The following AUTS2 variants were observed in gnomAD, a reference collection of about 807,000 sequenced individuals.
AUTS2 encodes the protein activator of transcription and developmental regulator AUTS2, also known as autism susceptibility gene 2 protein.
AUTS2 carries 17 observed loss-of-function variants against 112.4 expected under a neutral mutation model. The ratio of observed to expected loss-of-function variants is 0.15; its 90% confidence interval spans 0.10 to 0.23. The LOEUF (loss-of-function observed/expected upper bound fraction) is 0.23, where lower values mean the gene tolerates loss of function less well. Ranked by LOEUF, AUTS2 falls within the 10% of genes least tolerant of loss-of-function variation. The pLI is 1.00. For synonymous variants in AUTS2, 751 were observed against 702.7 expected (o/e 1.07, Z -1.09); for missense variants, 1,510 against 1,701.6 (o/e 0.89, Z 1.98).
chr7:69,893,203 G>T (rs1210723183), intron 1 of AUTS2, among the ~76,000 whole-genome samples: 1 of 152,176 alleles, frequency 6.6e-6, no homozygotes, highest in African/African-American at 2.4e-5. Context: ...ATGCCATCCT[G>T]GATGCCTTGT....
chr7:69,989,182 A>G (rs1257421648), intron 2 of AUTS2, among the ~76,000 whole-genome samples: 3 of 152,154 alleles, frequency 2.0e-5, no homozygotes, highest in African/African-American at 7.2e-5. Flanking sequence ...TAACTCTTGT[A>G]ATTCTTGGTA....
chr7:70,361,194 G>A (rs900794900), intron 4 of AUTS2, among the ~76,000 whole-genome samples: 2 of 152,212 alleles, frequency 1.3e-5, no homozygotes, highest in African/African-American at 2.4e-5. Context: ...TTAGCTGGGC[G>A]TGGTGGCGGA....
chr7:70,220,252 T>A (rs1196669742), intron 4 of AUTS2, among the ~76,000 whole-genome samples: 5 of 152,202 alleles, frequency 3.3e-5, no homozygotes, highest in African/African-American at 1.2e-4. Context: ...TTTTTTTCAA[T>A]CATTTAAAAA....
intron 5 of AUTS2, among the ~76,000 whole-genome samples, chr7:70,579,712 G>A (rs1802348127): frequency 6.6e-6 from 1 of 152,148 alleles, no homozygotes; most frequent in Non-Finnish European, 1.5e-5. Context: ...TTAATGTGAT[G>A]GAATTCATCT....
chr7:70,714,738 G>A (rs773669399), intron 6 of AUTS2, among the ~76,000 whole-genome samples: 2 of 152,136 alleles, frequency 1.3e-5, no homozygotes, highest in Non-Finnish European at 2.9e-5. Flanking sequence ...TCTGTCCCTC[G>A]TATTTCCTGT....
chr7:70,769,362 C>T (rs534829436), intron 10 of AUTS2, among the ~76,000 whole-genome samples: 12 of 152,240 alleles, frequency 7.9e-5, no homozygotes, highest in Non-Finnish European at 1.8e-4. Context: ...TTAGTCTATA[C>T]TCTGCTGATT....
intron 4 of AUTS2, among the ~76,000 whole-genome samples, chr7:70,376,165 A>G (rs1264125173): frequency 6.6e-6 from 1 of 152,220 alleles, no homozygotes; most frequent in Non-Finnish European, 1.5e-5. Flanking sequence ...CCAGTTATTT[A>G]TAGGATGATA....
intron 4 of AUTS2, among the ~76,000 whole-genome samples, chr7:70,303,434 G>GCGCGCGCGCACA (rs1241517255): frequency 1.3e-4 from 18 of 142,052 alleles, no homozygotes; most frequent in African/African-American, 4.7e-4. Flanking sequence ...GCGCGCGCGC[G>GCGCGCGCGCACA]CACATACACA....
chr7:69,635,846 C>A (rs1416072742), intron 1 of AUTS2, among the ~76,000 whole-genome samples: 2 of 152,234 alleles, frequency 1.3e-5, no homozygotes, highest in Non-Finnish European at 2.9e-5. Context: ...TGAGGATCAG[C>A]TTTAGGTAGC....
intron 1 of AUTS2, among the ~76,000 whole-genome samples, chr7:69,833,853 G>A (rs921163973): frequency 2.0e-5 from 3 of 152,086 alleles, no homozygotes; most frequent in Non-Finnish European, 2.9e-5. Flanking sequence ...ATGCTAAAAG[G>A]TTACTTCACA....
At chr7:69,896,559 T>C (rs1010103136) in intron 1 of AUTS2, among the ~76,000 whole-genome samples, 1 of 152,112 alleles carries the variant, frequency 6.6e-6, no homozygotes, top group Admixed American at 6.6e-5. Flanking sequence ...TTCCTGCTTC[T>C]ATCACCCTTT....
intron 6 of AUTS2, 76 bp downstream of exon 6, chr7:70,698,696 G>T: frequency 9.1e-7 from 1 of 1,104,746 alleles, no homozygotes; most frequent in South Asian, 1.6e-5. Context: ...GAAGAAAGAA[G>T]AGCTAGAGTG....
rs566341807 is a variant in AUTS2, at chr7:70,475,756, C to T, written c.690+39975C>T. Reference sequence around the variant, plus strand: ...GGCCACATGAAAAGTCTACTAATAGCGGCCAGGGACCATGGCTTCCTACAA... The same window carrying T: ...GGCCACATGAAAAGTCTACTAATAGTGGCCAGGGACCATGGCTTCCTACAA... On this transcript the variant is annotated intron_variant, in intron 5 of 18. Coordinates refer to ENST00000342771, the MANE Select transcript of AUTS2 (RefSeq NM_015570.4). Among the ~76,000 whole-genome samples, 5 of 152,246 alleles carry T rather than the reference C, an allele frequency of 3.3e-5. No individual in the cohort carries two copies. In the East Asian group the frequency reaches 5.8e-4, roughly 18 times the overall value.
rs1053118046 is a variant in AUTS2 at position 69,901,317 on chromosome 7, G to T, written c.522+1819G>T. ...CCCGCCCCAGCAGGGTAAGAAGGAA[G>T]CCTTCTTACTCTGAGTTAACACCAA... is the stretch of plus-strand genomic sequence containing the variant. On this transcript the variant is annotated intron_variant, in intron 2 of 18. Coordinates refer to ENST00000342771, the MANE Select transcript of AUTS2 (RefSeq NM_015570.4). 2.0e-5 allele frequency among the ~76,000 whole-genome samples: 3 copies of T among 151,846 alleles called. No homozygotes were observed. The East Asian group carries it at 5.8e-4, about 30-fold the overall frequency.
At chr7:70,310,812 T>A (rs1013646398) in intron 4 of AUTS2, among the ~76,000 whole-genome samples, 1 of 152,160 alleles carries the variant, frequency 6.6e-6, no homozygotes, top group African/African-American at 2.4e-5. Flanking sequence ...TGGCTCGGCC[T>A]GCAAAAGATA....
intron 5 of AUTS2, among the ~76,000 whole-genome samples, chr7:70,629,302 C>T (rs557259146): frequency 1.3e-5 from 2 of 152,168 alleles, no homozygotes; most frequent in South Asian, 4.2e-4. Context: ...GAAACCTCGT[C>T]TCTACTAAAA....
At chr7:70,059,852 G>A (rs1443789067) in intron 2 of AUTS2, among the ~76,000 whole-genome samples, 1 of 152,178 alleles carries the variant, frequency 6.6e-6, no homozygotes, top group African/African-American at 2.4e-5. Flanking sequence ...TATTTAAGCA[G>A]CTAGTCAAGC....
At chr7:69,796,077 G>A (rs552460735) in intron 1 of AUTS2, among the ~76,000 whole-genome samples, 1 of 152,326 alleles carries the variant, frequency 6.6e-6, no homozygotes, top group Admixed American at 6.5e-5. Context: ...GTGGGCTGAC[G>A]ATAGCCTCTA....
intron 2 of AUTS2, among the ~76,000 whole-genome samples, chr7:70,076,835 A>G (rs901898737): frequency 2.0e-5 from 3 of 152,246 alleles, no homozygotes; most frequent in Non-Finnish European, 2.9e-5. Context: ...TTGTGAAAAC[A>G]TAGTTGAATA....
Sources: allele counts gnomAD v4.1 joint callset (sites outside exome capture counted in the v4.1 genomes callset), GRCh38; gene constraint gnomAD v4.1.1; transcripts MANE v1.5; gene names NCBI Gene and HGNC (gene_info 2026-07-23, HGNC 2026-07-21).